ZNF585A: variants seen among roughly 807,000 people sequenced by gnomAD.
ZNF585A encodes zinc finger protein 585A.
ZNF585A carries 9 observed loss-of-function variants against 14.9 expected under a neutral mutation model. That is an observed-to-expected ratio of 0.60 (90% confidence interval 0.36 to 1.05). The LOEUF is 1.05. Ranked by LOEUF, ZNF585A falls within the 50% of genes least tolerant of loss-of-function variation. ZNF585A has a pLI of 0.01. For synonymous variants in ZNF585A, 276 were observed against 319.9 expected (o/e 0.86, Z 1.46); for missense variants, 726 against 926.4 (o/e 0.78, Z 2.81).
chr19:37,171,180 A>G (rs532189151), intron 1 of ZNF585A, among the ~76,000 whole-genome samples: 4 of 152,354 alleles, frequency 2.6e-5, no homozygotes, highest in East Asian at 1.9e-4. Flanking sequence ...TATTTGTTAA[A>G]TCACAAAGAC....
In ZNF585A at chr19:37,170,008, T is replaced by G. The variant is rs757864627; in HGVS notation, c.-98A>C. The G allele has an allele frequency of 6.8e-7, 1 of 1,464,272 alleles. No homozygotes were observed. Among genetic ancestry groups the G allele is most frequent in the Admixed American group, 2.1e-5 (1 of 48,274 alleles). The allele number at this position is 1,464,272 out of a possible 1,614,324, so 90.7% of individuals were successfully genotyped here. On this transcript the variant is annotated 5_prime_UTR_variant, in exon 2 of 5. Coordinates refer to ENST00000292841, the MANE Select transcript of ZNF585A (RefSeq NM_001288800.2). The stretch of plus-strand genomic sequence containing the variant: ...GCTGCTCTGAAGAGATGGGCTGGAG[T>G]CTAGAGGAAAATCTGGCCCAGGGGC...
In ZNF585A at chr19:37,153,292, T is replaced by G; in HGVS notation, c.607A>C (p.Arg203=). ...KSFFQVSSLF[R]HQRIHTGEKL... is the part of the protein sequence containing the mutation. ...TCTCCGGTATGAATTCTCTGATGCCTGAAGAGGGACGACACTTGAAAAAAG... is the reference window on the plus strand; with the variant it reads ...TCTCCGGTATGAATTCTCTGATGCCGGAAGAGGGACGACACTTGAAAAAAG... The change falls in exon 5 of 5, where the codon AGG becomes CGG. Residue 203 remains arginine, a synonymous_variant. Transcript: ENST00000292841. The G allele has an allele frequency of 6.2e-7, 1 of 1,614,212 alleles. No homozygotes were observed. Among genetic ancestry groups the G allele is most frequent in the Non-Finnish European group, 8.5e-7 (1 of 1,180,038 alleles).
In ZNF585A at chr19:37,153,300, G is replaced by A; in HGVS notation, c.599C>T (p.Ser200Phe). ...ATGAATTCTCTGATGCCTGAAGAGG[G>A]ACGACACTTGAAAAAAGGATTTTCC... ...ECGKSFFQVSSLFRHQRIHTG... is the reference protein window; with the variant it reads ...ECGKSFFQVSFLFRHQRIHTG... The change falls in exon 5 of 5, where the codon TCC becomes TTC. Residue 200 changes from serine (S) to phenylalanine (F), a missense_variant. Physicochemically the swap from Ser to Phe is radical, Grantham distance 155 (BLOSUM62 -2). This residue lies in a region of ZNF585A where 483 missense variants were observed against 542.8 expected (regional missense o/e 0.89). Coordinates refer to ENST00000292841, the MANE Select transcript of ZNF585A (RefSeq NM_001288800.2). 1 of 1,614,162 alleles carries A rather than the reference G, an allele frequency of 6.2e-7. No individual in the cohort carries two copies. The highest frequency in any genetic ancestry group is 8.5e-7 in the Non-Finnish European group (1 of 1,180,020).
chr19:37,157,270 C>T (rs530646095), intron 2 of ZNF585A, among the ~76,000 whole-genome samples: 1 of 152,236 alleles, frequency 6.6e-6, no homozygotes, highest in South Asian at 2.1e-4. Context: ...TTTTTCAAAA[C>T]TGGCAATTGA....
At position 37,152,254 on chromosome 19, in the gene ZNF585A, G is replaced by C. The variant is rs374428234; in HGVS notation, c.1645C>G (p.Gln549Glu). Residue 549 changes from glutamine (Q) to glutamate (E), a missense_variant, in exon 5 of 5, where the codon CAG becomes GAG. Physicochemically the swap from Gln to Glu is conservative, Grantham distance 29 (BLOSUM62 2). Transcript: ENST00000292841. ...TTCCCACATTCGTGGCATTCATACT[G>C]TCTCTCTCCAGTGTGAATTTTCTGA... Reference protein sequence around the residue: ...IHQKIHTGERQYECHECGKAF... With the variant: ...IHQKIHTGEREYECHECGKAF... The C allele has an allele frequency of 2.5e-6, 4 of 1,613,994 alleles. No homozygotes were observed. The African/African-American group carries it at 4.0e-5, about 16-fold the overall frequency.
At chr19:37,171,510 T>G (rs1216353913) in intron 1 of ZNF585A, among the ~76,000 whole-genome samples, 1 of 152,236 alleles carries the variant, frequency 6.6e-6, no homozygotes, top group Non-Finnish European at 1.5e-5. Context: ...TATCCACTGC[T>G]GGAAAAGCAT....
chr19:37,147,442 G>T lies in ZNF585A; in HGVS notation c.*4147C>A, dbSNP rs1007818434. On this transcript the variant is annotated 3_prime_UTR_variant, in exon 5 of 5. Transcript: ENST00000292841. The stretch of plus-strand genomic sequence containing the variant: ...AAAATGTTGACTAACTCCAACTGCA[G>T]ACTCTCTGGCCTCTTTTATTGTAGT... The T allele has an allele frequency of 6.6e-6, 1 of 152,202 alleles. No homozygotes were observed. Among genetic ancestry groups the T allele is most frequent in the Non-Finnish European group, 1.5e-5 (1 of 68,038 alleles). The allele number at this position is 152,202 out of a possible 1,614,324, so 9.4% of individuals were successfully genotyped here.
In ZNF585A at chr19:37,153,395, T is replaced by C. The variant is rs1971872307; in HGVS notation, c.504A>G (p.Val168=). 1.2e-6 allele frequency: 2 copies of C among 1,613,922 alleles called. No homozygotes were observed. Among genetic ancestry groups the C allele is most frequent in the South Asian group, 1.1e-5 (1 of 91,068 alleles). ...YVCIECGKAF[V]QKPEFIIHQK... is the part of the protein sequence containing the mutation. Reference sequence around the variant, plus strand: ...GGTGTATAATAAATTCTGGCTTCTGTACAAAAGCCTTCCCACATTCAATGC... The same window carrying C: ...GGTGTATAATAAATTCTGGCTTCTGCACAAAAGCCTTCCCACATTCAATGC... The change falls in exon 5 of 5, where the codon GTA becomes GTG. Residue 168 remains valine, a synonymous_variant. Coordinates refer to ENST00000292841, the MANE Select transcript of ZNF585A (RefSeq NM_001288800.2).
chr19:37,151,800 G>A lies in ZNF585A; in HGVS notation c.2099C>T (p.Thr700Ile). ...ATGCACTTGGAGCTGTGATTTTTTA[G>A]TGAAAGACTTCCCACAGTCACTGCA... ...YECSDCGKSFTKKSQLQVHQR... is the reference protein window; with the variant it reads ...YECSDCGKSFIKKSQLQVHQR... Residue 700 changes from threonine to isoleucine, a missense_variant, in exon 5 of 5, where the codon ACT becomes ATT. Transcript: ENST00000292841. 1.2e-6 allele frequency: 2 copies of A among 1,613,174 alleles called. No homozygotes were observed. Among genetic ancestry groups the A allele is most frequent in the East Asian group, 4.5e-5 (2 of 44,820 alleles).
chr19:37,160,097 C>CCA (rs1971990631), intron 2 of ZNF585A, among the ~76,000 whole-genome samples: 2 of 151,960 alleles, frequency 1.3e-5, no homozygotes, highest in Admixed American at 1.3e-4. Context: ...CTTTGGGAGG[C>CCA]CAAAGTGGGA....
At chr19:37,158,372 A>G (rs529046641) in intron 2 of ZNF585A, among the ~76,000 whole-genome samples, 2 of 152,248 alleles carry the variant, frequency 1.3e-5, no homozygotes, top group Admixed American at 1.3e-4. Context: ...TAACATCAGC[A>G]TCCACAAACC....
In ZNF585A at chr19:37,151,565, G is replaced by A. The variant is rs111776093; in HGVS notation, c.*24C>T. ...GTGTACAATCAGACCCAACCCTCAG[G>A]GGGGTTTTCTCACACTGTTTCTCTC... On this transcript the variant is annotated 3_prime_UTR_variant, in exon 5 of 5. Coordinates refer to ENST00000292841, the MANE Select transcript of ZNF585A (RefSeq NM_001288800.2). 1.9e-6 allele frequency: 3 copies of A among 1,590,032 alleles called. No homozygotes were observed. Among genetic ancestry groups the A allele is most frequent in the Non-Finnish European group, 2.6e-6 (3 of 1,167,566 alleles).
intron 2 of ZNF585A, among the ~76,000 whole-genome samples, chr19:37,157,813 T>C (rs545587797): frequency 1.5e-4 from 22 of 151,540 alleles, no homozygotes; most frequent in Non-Finnish European, 2.6e-4. Flanking sequence ...GTAATTAAGG[T>C]AATCAGATTT....
intron 2 of ZNF585A, among the ~76,000 whole-genome samples, chr19:37,159,777 CA>C (rs758910200): frequency 6.6e-6 from 1 of 151,968 alleles, no homozygotes; most frequent in Non-Finnish European, 1.5e-5. Context: ...TAAAAAATAA[CA>C]AACAAAAACA....
intron 2 of ZNF585A, among the ~76,000 whole-genome samples, chr19:37,164,381 C>A (rs529953050): frequency 1.3e-5 from 2 of 149,534 alleles, no homozygotes; most frequent in African/African-American, 2.5e-5. Flanking sequence ...CCAGCCGGGG[C>A]GACACAGCAA....
intron 4 of ZNF585A, among the ~76,000 whole-genome samples, chr19:37,153,811 T>C (rs532766767): frequency 9.2e-5 from 14 of 152,354 alleles, no homozygotes; most frequent in Admixed American, 3.3e-4. Flanking sequence ...ACTATCCTTA[T>C]AGTCATATTG....
chr19:37,165,195 T>C (rs1206703580), intron 2 of ZNF585A, among the ~76,000 whole-genome samples: 1 of 151,834 alleles, frequency 6.6e-6, no homozygotes, highest in Non-Finnish European at 1.5e-5. Flanking sequence ...CCGTGTCTAC[T>C]AAAAAAATAC....
chr19:37,171,615 C>T (rs1377099890), intron 1 of ZNF585A, among the ~76,000 whole-genome samples: 1 of 152,134 alleles, frequency 6.6e-6, no homozygotes. Context: ...TAAAAATGCA[C>T]ATATGCCGGG....
At chr19:37,161,812 A>G (rs976625154) in intron 2 of ZNF585A, among the ~76,000 whole-genome samples, 2 of 152,232 alleles carry the variant, frequency 1.3e-5, no homozygotes, top group African/African-American at 4.8e-5. Context: ...AGAAAAAAAA[A>G]GTCATGTATG....
Sources: allele counts gnomAD v4.1 joint callset (sites outside exome capture counted in the v4.1 genomes callset), GRCh38; gene constraint gnomAD v4.1.1; regional missense constraint gnomAD v4.1.1; transcripts MANE v1.5; gene names NCBI Gene and HGNC (gene_info 2026-07-23, HGNC 2026-07-21).